The following CMIP variants were observed in gnomAD, a reference collection of about 807,000 sequenced individuals.
The protein encoded by CMIP is c-Maf inducing protein.
In CMIP, 13 loss-of-function variants were observed where a neutral mutation model predicts 97.3. The ratio of observed to expected loss-of-function variants is 0.13; its 90% CI spans 0.09 to 0.21. CMIP has a LOEUF of 0.21. Ranked by LOEUF, CMIP falls within the 10% of genes least tolerant of loss-of-function variation. The pLI is 1.00. For missense variants in CMIP, 847 were observed against 1,024.9 expected (o/e 0.83, Z 2.37); for synonymous variants, 538 against 436.3 (o/e 1.23, Z -2.91).
chr16:81,626,256 TGA>T (rs1438575600), intron 3 of CMIP, among the ~76,000 whole-genome samples: 3 of 151,992 alleles, frequency 2.0e-5, no homozygotes, highest in East Asian at 1.9e-4. Context: ...TGAGTGTGTG[TGA>T]GAGCGAGAGT....
chr16:81,706,865 C>G, intron 19 of CMIP, 149 bp from the exon 20 acceptor site: 1 of 681,094 alleles, frequency 1.5e-6, no homozygotes, highest in Admixed American at 2.3e-5. Flanking sequence ...GGCCACCTAC[C>G]CTGGCTGTGT....
chr16:81,610,475 C>T (rs1013133809), intron 2 of CMIP: 7 of 986,004 alleles, frequency 7.1e-6, no homozygotes, highest in Non-Finnish European at 8.4e-6. Flanking sequence ...GATCCAGAGC[C>T]GGACTCCGAG....
intron 7 of CMIP, 55 bp downstream of exon 7, chr16:81,664,404 C>T (rs879741079): frequency 2.8e-5 from 42 of 1,513,678 alleles, no homozygotes; most frequent in East Asian, 4.9e-5. Context: ...TGAGGCCCCG[C>T]GCGCCTCCCT....
intron 9 of CMIP, among the ~76,000 whole-genome samples, chr16:81,672,367 G>A (rs2092690712): frequency 6.6e-6 from 1 of 152,330 alleles, no homozygotes; most frequent in African/African-American, 2.4e-5. Context: ...GGAGAGGTAT[G>A]ACACACTGGT....
At chr16:81,457,544 A>C (rs1906627616) in intron 1 of CMIP, among the ~76,000 whole-genome samples, 1 of 152,176 alleles carries the variant, frequency 6.6e-6, no homozygotes. Flanking sequence ...GTGCTGGCCC[A>C]CTGCTCCCCA....
intron 1 of CMIP, among the ~76,000 whole-genome samples, chr16:81,508,023 C>T (rs2089742201): frequency 1.3e-5 from 2 of 152,234 alleles, no homozygotes; most frequent in Admixed American, 1.3e-4. Context: ...CCTATCCACC[C>T]ATGCTTAACG....
intron 1 of CMIP, among the ~76,000 whole-genome samples, chr16:81,599,932 G>T (rs1055258816): frequency 6.6e-6 from 1 of 152,094 alleles, no homozygotes; most frequent in Non-Finnish European, 1.5e-5. Context: ...CATATGGGTG[G>T]GGTGTAGTGA....
intron 15 of CMIP, among the ~76,000 whole-genome samples, 169 bp from the exon 16 acceptor site, chr16:81,701,491 G>A (rs1907400854): frequency 6.6e-6 from 1 of 152,218 alleles, no homozygotes; most frequent in African/African-American, 2.4e-5. Context: ...TGCTACCATT[G>A]TACAAGCAGG....
At chr16:81,510,141 G>A (rs1465749622) in intron 1 of CMIP, among the ~76,000 whole-genome samples, 4 of 152,118 alleles carry the variant, frequency 2.6e-5, no homozygotes, top group African/African-American at 9.7e-5. Flanking sequence ...AGGTATTGAC[G>A]ACAGTGACGT....
rs142268739 is a variant in CMIP, at chr16:81,501,736, C to T, written c.300+56195C>T. 1.9e-4 allele frequency among the ~76,000 whole-genome samples: 29 copies of T among 152,016 alleles called. No homozygotes were observed. The East Asian group carries it at 5.0e-3, about 26-fold the overall frequency. On this transcript the variant is annotated intron_variant, in intron 1 of 20. Coordinates refer to ENST00000537098, the MANE Select transcript of CMIP (RefSeq NM_198390.3). ...TCGCAATTCTCCTGCCTCAGCCTCC[C>T]GAGTAGCTGGAATTACAGGTGCATG...
chr16:81,467,191 C>T (rs1402004040), intron 1 of CMIP, among the ~76,000 whole-genome samples: 1 of 152,188 alleles, frequency 6.6e-6, no homozygotes, highest in Non-Finnish European at 1.5e-5. Flanking sequence ...CCATGTTTGT[C>T]ACCGGTCCCT....
At chr16:81,628,656 G>A (rs1027051348) in intron 3 of CMIP, among the ~76,000 whole-genome samples, 2 of 152,110 alleles carry the variant, frequency 1.3e-5, no homozygotes. Flanking sequence ...GCTCCCAACT[G>A]TACATGCATG....
At chr16:81,663,876 G>A (rs1006286090) in intron 6 of CMIP, among the ~76,000 whole-genome samples, 1 of 152,090 alleles carries the variant, frequency 6.6e-6, no homozygotes, top group Admixed American at 6.6e-5. Flanking sequence ...ACAAGATTGT[G>A]TTGTCCTCTT....
intron 2 of CMIP, 137 bp downstream of exon 2, chr16:81,607,829 A>G (rs1423009466): frequency 1.4e-5 from 14 of 977,358 alleles, no homozygotes; most frequent in East Asian, 2.6e-5. Context: ...TTCCCCAAGT[A>G]TAAGAAAGCT....
chr16:81,709,235 C>G (rs1280328501), intron 20 of CMIP, among the ~76,000 whole-genome samples: 3 of 152,174 alleles, frequency 2.0e-5, no homozygotes, highest in Non-Finnish European at 2.9e-5. Flanking sequence ...CTCACCCTGT[C>G]CATTCTCTGA....
At chr16:81,551,099 T>C (rs570716354) in intron 1 of CMIP, among the ~76,000 whole-genome samples, 4 of 139,974 alleles carry the variant, frequency 2.9e-5, no homozygotes, top group African/African-American at 1.1e-4. Context: ...GCACCCCAGT[T>C]CCATCACATA....
At chr16:81,563,908 C>T (rs1206382460) in intron 1 of CMIP, among the ~76,000 whole-genome samples, 1 of 152,256 alleles carries the variant, frequency 6.6e-6, no homozygotes, top group Non-Finnish European at 1.5e-5. Flanking sequence ...ACACCCAACC[C>T]CATGCTGCAG....
Position 81,537,931 on chromosome 16 carries a change from G to T in CMIP, c.301-69636G>T, listed in dbSNP as rs1354592864. Among the ~76,000 whole-genome samples the T allele has an allele frequency of 1.1e-4, 17 of 152,362 alleles. No homozygotes were observed. The South Asian group carries it at 2.5e-3, about 22-fold the overall frequency. On this transcript the variant is annotated intron_variant, in intron 1 of 20. Transcript: ENST00000537098. ...ACAGAGGGTGGAGAGAGCCCTGGGTGCAGAGTCTTGGCCGTCAGGCCGAGG... is the reference window on the plus strand; with the variant it reads ...ACAGAGGGTGGAGAGAGCCCTGGGTTCAGAGTCTTGGCCGTCAGGCCGAGG...
chr16:81,519,593 TC>T (rs746815175), intron 1 of CMIP: 4 of 152,280 alleles, frequency 2.6e-5, no homozygotes, highest in Non-Finnish European at 4.4e-5. Flanking sequence ...GTCTCCTACT[TC>T]CTGTCTCTGT....
Sources: allele counts gnomAD v4.1 joint callset (sites outside exome capture counted in the v4.1 genomes callset), GRCh38; gene constraint gnomAD v4.1.1; transcripts MANE v1.5; gene names NCBI Gene and HGNC (gene_info 2026-07-23, HGNC 2026-07-21).